The following IGSF22 variants were observed in gnomAD, a reference collection of about 807,000 sequenced individuals.
The protein encoded by IGSF22 is immunoglobulin superfamily member 22.
In IGSF22, 119 loss-of-function variants were observed where a neutral mutation model predicts 127.0. The observed-to-expected ratio is 0.94, with a 90% confidence interval of 0.81 to 1.09. The LOEUF is 1.09. Among genes scored for constraint, IGSF22 ranks in the 50% least tolerant of loss-of-function variants. The pLI, the probability that IGSF22 is intolerant of heterozygous loss-of-function variation, is 0.00. For synonymous variants in IGSF22, 568 were observed against 664.7 expected (o/e 0.85, Z 2.24); for missense variants, 1,518 against 1,716.6 (o/e 0.88, Z 2.04).
intron 9 of IGSF22, 110 bp from the exon 10 acceptor site, chr11:18,717,110 A>T: frequency 8.3e-7 from 1 of 1,210,082 alleles, no homozygotes; most frequent in South Asian, 1.5e-5. Flanking sequence ...TGGCTGGGGG[A>T]AAGCACCCTG....
rs746782861 is a variant in IGSF22, at chr11:18,716,733, A to G, written c.1241T>C (p.Val414Ala). The G allele has an allele frequency of 7.4e-6, 12 of 1,613,804 alleles. No individual in the cohort carries two copies. The highest frequency in any genetic ancestry group is 1.3e-5 in the African/African-American group (1 of 74,916). ...GNLVQKAQLT[V>A]DRIPIKFVSN... is the part of the protein sequence containing the mutation. ...GCTCTTGCCCAACCACTCACGGTCA[A>G]CAGTGAGCTGGGCCTTTTGTACCAG... Residue 414 changes from valine to alanine, a missense_variant, in exon 10 of 23, where the codon GTT becomes GCT. By Grantham distance (64) the Val-to-Ala change is moderately conservative. Coordinates refer to ENST00000513874, the MANE Select transcript of IGSF22 (RefSeq NM_173588.4). This position sits in a 1 kb window ranked among gnomAD's most constrained non-coding sequence, Gnocchi z 4.5.
intron 15 of IGSF22, among the ~76,000 whole-genome samples, chr11:18,711,492 G>A (rs1408070019): frequency 1.3e-5 from 2 of 152,196 alleles, no homozygotes; most frequent in African/African-American, 4.8e-5. Flanking sequence ...CTGCCTCCCA[G>A]GTTCAAGCAA....
Position 18,719,907 on chromosome 11 carries a change from GA to G in IGSF22, c.519-15del, listed in dbSNP as rs1564875658. ...GCAGGGGGTGCCCTAGGAGAAGGAG[GA>G]AGGGACTAAGCTTGTACACAATGCC... On this transcript the variant is annotated splice_polypyrimidine_tract_variant and intron_variant, in intron 6 of 22. Coordinates refer to ENST00000513874, the MANE Select transcript of IGSF22 (RefSeq NM_173588.4). 2 of 1,613,950 alleles carry G rather than the reference GA, an allele frequency of 1.2e-6. No homozygotes were observed. The highest frequency in any genetic ancestry group is 3.3e-5 in the Admixed American group (2 of 59,998).
chr11:18,705,592 T>C (rs942269154), intron 22 of IGSF22: 1 of 576,022 alleles, frequency 1.7e-6, no homozygotes, highest in East Asian at 2.9e-5. Context: ...AACCACATCT[T>C]ATCTAGGGAT....
intron 2 of IGSF22, among the ~76,000 whole-genome samples, chr11:18,723,259 C>T (rs61886897): frequency 1.3e-5 from 2 of 152,244 alleles, no homozygotes; most frequent in Non-Finnish European, 2.9e-5. Flanking sequence ...TATTTTTGCC[C>T]TCCTCACACC....
At position 18,704,492 on chromosome 11, in the gene IGSF22, C is replaced by T; in HGVS notation, c.3957G>A (p.Gln1319=). ...CTCACATGAGGTGCTTTGATTTCTTCTGCAGACTCTCGGTGATGGATGCTA... is the reference window on the plus strand; with the variant it reads ...CTCACATGAGGTGCTTTGATTTCTTTTGCAGACTCTCGGTGATGGATGCTA... The part of the protein sequence containing the change: ...SVVASITESL[Q]KKSKHLM The change falls in exon 23 of 23, where the codon CAG becomes CAA. Residue 1319 remains glutamine (Q), a synonymous_variant. Transcript: ENST00000513874. 2 of 1,551,136 alleles carry T rather than the reference C, an allele frequency of 1.3e-6. No individual in the cohort carries two copies. The highest frequency in any genetic ancestry group is 2.4e-5 in the South Asian group (2 of 84,040).
intron 9 of IGSF22, among the ~76,000 whole-genome samples, chr11:18,717,411 CCA>C (rs1423852133): frequency 7.6e-6 from 1 of 130,726 alleles, no homozygotes; most frequent in African/African-American, 3.0e-5. Context: ...TAGTTTAGCT[CCA>C]GAGTCTGCGT....
chr11:18,705,747 C>G, intron 22 of IGSF22, 70 bp downstream of exon 22: 1 of 1,365,236 alleles, frequency 7.3e-7, no homozygotes, highest in African/African-American at 1.4e-5. Context: ...AAATAGTTGA[C>G]CAATGGCCCA....
Position 18,717,917 on chromosome 11 carries a change from G to A in IGSF22, c.973+14C>T. On this transcript the variant is annotated intron_variant, in intron 9 of 22. Coordinates refer to ENST00000513874, the MANE Select transcript of IGSF22 (RefSeq NM_173588.4). ...ACATGTCCTCCTTGTGCCCTTGCAT[G>A]CCCCCACTCATACCCAGCACTGTGA... is the stretch of plus-strand genomic sequence containing the variant. 6.2e-7 allele frequency: 1 copy of A among 1,609,374 alleles called. No homozygotes were observed. Among genetic ancestry groups the A allele is most frequent in the Non-Finnish European group, 8.5e-7 (1 of 1,176,654 alleles).
chr11:18,719,563 G>A (rs1310697244), intron 7 of IGSF22, among the ~76,000 whole-genome samples, 153 bp downstream of exon 7: 2 of 152,206 alleles, frequency 1.3e-5, no homozygotes, highest in Non-Finnish European at 1.5e-5. Context: ...GGTGACTTGT[G>A]CTCCCTTGCT....
chr11:18,719,530 G>T (rs1350245838), intron 7 of IGSF22, among the ~76,000 whole-genome samples, 186 bp downstream of exon 7: 3 of 152,172 alleles, frequency 2.0e-5, no homozygotes, highest in Non-Finnish European at 2.9e-5. Context: ...GTTTGGGAGT[G>T]GTGAAGACAG....
chr11:18,717,004 C>A lies in IGSF22; in HGVS notation c.974-4G>T. The A allele has an allele frequency of 1.2e-6, 2 of 1,613,970 alleles. No individual in the cohort carries two copies. Among genetic ancestry groups the A allele is most frequent in the Non-Finnish European group, 1.7e-6 (2 of 1,179,874 alleles). The stretch of plus-strand genomic sequence containing the variant: ...CCCAGGAACTTCAGTGGCTCATCTG[C>A]AGCAAACAGTAGGAGTGGTAGTCAT... On this transcript the variant is annotated splice_region_variant and splice_polypyrimidine_tract_variant and intron_variant, in intron 9 of 22. Coordinates refer to ENST00000513874, the MANE Select transcript of IGSF22 (RefSeq NM_173588.4).
rs1564864878 is a variant in IGSF22 at position 18,704,460 on chromosome 11, G to A, written c.*8C>T. ...AACAGCCTCCTGATGCCTGGGCTTG[G>A]CTGGAGCTCACATGAGGTGCTTTGA... On this transcript the variant is annotated 3_prime_UTR_variant, in exon 23 of 23. Transcript: ENST00000513874. 1.9e-6 allele frequency: 3 copies of A among 1,544,174 alleles called. No individual in the cohort carries two copies. In the East Asian group the frequency reaches 7.3e-5, roughly 38 times the overall value.
rs1472855080 is a variant in IGSF22 at position 18,716,992 on chromosome 11, G to T, written c.982C>A (p.Leu328Met). ...SAELTVLDEP[L>M]KFLGEMKPVK... ...GGCTTCATCTCTCCCAGGAACTTCA[G>T]TGGCTCATCTGCAGCAAACAGTAGG... Residue 328 changes from leucine to methionine, a missense_variant, in exon 10 of 23, where the codon CTG becomes ATG. Physicochemically the swap from Leu to Met is conservative, Grantham distance 15. This residue lies in a region of IGSF22 where 1,456 missense variants were observed against 1,644.9 expected (regional missense o/e 0.89). Coordinates refer to ENST00000513874, the MANE Select transcript of IGSF22 (RefSeq NM_173588.4). This position sits in a 1 kb window ranked among gnomAD's most constrained non-coding sequence, Gnocchi z 4.5. The T allele has an allele frequency of 1.2e-6, 2 of 1,613,986 alleles. No homozygotes were observed. The highest frequency in any genetic ancestry group is 2.7e-5 in the African/African-American group (2 of 74,916).
chr11:18,722,071 G>A (rs780983024), intron 2 of IGSF22, 30 bp from the exon 3 acceptor site: 5 of 1,611,862 alleles, frequency 3.1e-6, no homozygotes, highest in African/African-American at 1.3e-5. Flanking sequence ...GTCAGAATGG[G>A]CTCCAGGTAG....
chr11:18,715,341 A>C, intron 11 of IGSF22, 91 bp downstream of exon 11: 1 of 1,334,468 alleles, frequency 7.5e-7, no homozygotes, highest in Non-Finnish European at 1.0e-6. Flanking sequence ...GGAGGGTTGG[A>C]GTTAGTGGGA....
intron 4 of IGSF22, 128 bp downstream of exon 4, chr11:18,721,407 C>CT: frequency 8.0e-7 from 1 of 1,252,786 alleles, no homozygotes. Flanking sequence ...GCAATGACAG[C>CT]TGCTTTTCCC....
At position 18,705,953 on chromosome 11, in the gene IGSF22, C is replaced by G. The variant is rs374121144; in HGVS notation, c.3774G>C (p.Lys1258Asn). The part of the protein sequence containing the change: ...KGDVNITANS[K>N]FWYNSTSGVC... Reference sequence around the variant, plus strand: ...CGCCGCTGGTGGAGTTGTACCAGAACTTGGAGTTGGCCGTGATGTTGACGT... The same window carrying G: ...CGCCGCTGGTGGAGTTGTACCAGAAGTTGGAGTTGGCCGTGATGTTGACGT... Residue 1258 changes from lysine to asparagine, a missense_variant, in exon 22 of 23, where the codon AAG becomes AAC. Coordinates refer to ENST00000513874, the MANE Select transcript of IGSF22 (RefSeq NM_173588.4). 1.0e-4 allele frequency: 155 copies of G among 1,551,640 alleles called. No homozygotes were observed. The highest frequency in any genetic ancestry group is 1.2e-4 in the Non-Finnish European group (139 of 1,147,004).
Position 18,713,870 on chromosome 11 carries a change from G to C in IGSF22, c.2077C>G (p.Leu693Val). The C allele has an allele frequency of 6.2e-7, 1 of 1,613,654 alleles. No homozygotes were observed. Among genetic ancestry groups the C allele is most frequent in the Non-Finnish European group, 8.5e-7 (1 of 1,179,822 alleles). ...CCCTGACCCAGCACACTAAGGTGCAGAGTGGCCGTGGCTGAGCCGTGGTCA... is the reference window on the plus strand; with the variant it reads ...CCCTGACCCAGCACACTAAGGTGCACAGTGGCCGTGGCTGAGCCGTGGTCA... ...KNDHGSATAT[L>V]HLSVLDRPKP... Residue 693 changes from leucine to valine, a missense_variant, in exon 14 of 23, where the codon CTG (leucine) becomes GTG (valine). By Grantham distance (32) the Leu-to-Val change is conservative. Transcript: ENST00000513874.
Sources: allele counts gnomAD v4.1 joint callset (sites outside exome capture counted in the v4.1 genomes callset), GRCh38; gene constraint gnomAD v4.1.1; regional missense constraint gnomAD v4.1.1; non-coding constraint Gnocchi (gnomAD v3.1); transcripts MANE v1.5; gene names NCBI Gene and HGNC (gene_info 2026-07-23, HGNC 2026-07-21).